The following RASSF3 variants were observed in gnomAD, a reference collection of about 807,000 sequenced individuals.
RASSF3 encodes ras association domain-containing protein 3.
RASSF3 carries 19 observed loss-of-function variants against 19.9 expected under a neutral mutation model. That is an observed-to-expected ratio of 0.96 (90% confidence interval 0.67 to 1.40). The LOEUF (loss-of-function observed/expected upper bound fraction) is 1.40. Among genes scored for constraint, RASSF3 ranks in the 40% most tolerant of loss-of-function variants. The probability of loss-of-function intolerance (pLI) is 0.00; values close to 1 mark genes in which losing one functional copy is unlikely to be tolerated. For synonymous variants in RASSF3, 110 were observed against 104.2 expected (o/e 1.06, Z -0.34); for missense variants, 306 against 289.8 (o/e 1.06, Z -0.41).
At position 64,519,952 on chromosome 12, in the gene RASSF3, CT is replaced by C. The variant is rs568023506; in HGVS notation, c.169+12624del. On this transcript the variant is annotated intron_variant, in intron 1 of 5. Transcript: ENST00000637125. The stretch of plus-strand genomic sequence containing the variant: ...AGGTCCATAATCCCAGTCCCTCCCC[CT>C]GCCTTCTGTGTACGTGACTTTGATC... 1.1e-3 allele frequency among the ~76,000 whole-genome samples: 172 copies of C among 152,184 alleles called. 2 individuals carry two copies. Among genetic ancestry groups the C allele is most frequent in the African/African-American group, 3.9e-3 (163 of 41,528 alleles).
Position 64,660,006 on chromosome 12 carries a change from G to A in RASSF3, c.112-24781G>A, listed in dbSNP as rs1017299622. Reference sequence around the variant, plus strand: ...TGTATGTATGTGTATATGTGTGCGTGTATATATATGTGTGTGTGTGTATGT... The same window carrying A: ...TGTATGTATGTGTATATGTGTGCGTATATATATATGTGTGTGTGTGTATGT... On this transcript the variant is annotated intron_variant, in intron 1 of 4. Transcript: ENST00000542104. Among the ~76,000 whole-genome samples the A allele has an allele frequency of 9.5e-5, 12 of 125,812 alleles. 1 individual carries two copies. In the South Asian group the frequency reaches 1.6e-3, roughly 17 times the overall value. 82.5% of individuals were successfully genotyped at this position (125,812 alleles called of 152,430 possible). A position where few individuals can be genotyped will look rare whatever the true frequency, so the allele number is the denominator to read the frequency against.
chr12:64,537,688 AC>A (rs1389056514), intron 1 of RASSF3, among the ~76,000 whole-genome samples: 53 of 152,284 alleles, frequency 3.5e-4, no homozygotes, highest in African/African-American at 1.2e-3. Flanking sequence ...CAGTGTCTTT[AC>A]CTTGAGAAAG....
intron 1 of RASSF3, among the ~76,000 whole-genome samples, chr12:64,682,268 AG>A (rs1873154487): frequency 6.6e-6 from 1 of 152,124 alleles, no homozygotes; most frequent in South Asian, 2.1e-4. Flanking sequence ...GACATTGAAA[AG>A]TCACGGAGAT....
chr12:64,555,247 A>G (rs968817198), intron 2 of RASSF3, among the ~76,000 whole-genome samples: 1 of 151,950 alleles, frequency 6.6e-6, no homozygotes, highest in Non-Finnish European at 1.5e-5. Context: ...GTCAAAAAAA[A>G]AAAAATTTGA....
At chr12:64,543,796 T>G (rs1269578016), downstream of RASSF3, among the ~76,000 whole-genome samples, 3 of 151,750 alleles carry the variant, frequency 2.0e-5, no homozygotes, top group African/African-American at 7.3e-5. Flanking sequence ...AGTATCTAGC[T>G]CAAGGTTTGT....
intron 1 of RASSF3, among the ~76,000 whole-genome samples, chr12:64,641,429 T>A (rs533952216): frequency 4.9e-5 from 3 of 60,822 alleles, no homozygotes; most frequent in African/African-American, 2.2e-4. Flanking sequence ...CGCGCGCGCG[T>A]TGAAAACAAA....
chr12:64,523,031 C>T (rs565815197), intron 1 of RASSF3, among the ~76,000 whole-genome samples: 3 of 152,292 alleles, frequency 2.0e-5, no homozygotes, highest in Non-Finnish European at 2.9e-5. Context: ...CTCATGCCAG[C>T]GCAAAAGAAG....
In RASSF3 at chr12:64,676,621, G is replaced by A. The variant is rs148977918; in HGVS notation, c.112-8166G>A. Among the ~76,000 whole-genome samples, 565 of 148,928 alleles carry A rather than the reference G, an allele frequency of 3.8e-3. 3 individuals carry two copies. The highest frequency in any genetic ancestry group is 0.013 in the African/African-American group (531 of 40,382). ...CAAGTAGCTAGGATTACAGGCTCAC[G>A]TCACCACACCTGGCTAATTTTGTAT... is the stretch of plus-strand genomic sequence containing the variant. On this transcript the variant is annotated intron_variant, in intron 1 of 4. Coordinates refer to ENST00000542104, the MANE Select transcript of RASSF3 (RefSeq NM_178169.4).
intron 1 of RASSF3, among the ~76,000 whole-genome samples, chr12:64,636,507 A>ATATTGCTG (rs1468962385): frequency 6.6e-6 from 1 of 152,126 alleles, no homozygotes; most frequent in African/African-American, 2.4e-5. Context: ...AAGTGGTTGT[A>ATATTGCTG]TATTGCTGCA....
chr12:64,557,815 C>T (rs1869278752), intron 2 of RASSF3, among the ~76,000 whole-genome samples: 2 of 152,162 alleles, frequency 1.3e-5, no homozygotes, highest in Non-Finnish European at 2.9e-5. Context: ...CCAGCTGCTT[C>T]TGGATGGTAT....
chr12:64,516,998 C>CA (rs371430838), intron 1 of RASSF3, among the ~76,000 whole-genome samples: 9,945 of 51,262 alleles, frequency 0.19, 764 homozygotes, highest in African/African-American at 0.28. Context: ...AAATCTGTCT[C>CA]AAAAAAAAAA....
At chr12:64,569,048 G>A (rs1376078866) in intron 2 of RASSF3, among the ~76,000 whole-genome samples, 4 of 152,140 alleles carry the variant, frequency 2.6e-5, no homozygotes, top group Admixed American at 1.3e-4. Context: ...CACTGAAGTA[G>A]CCAGGTCAAC....
chr12:64,690,656 T>G (rs1037889760), intron 3 of RASSF3, among the ~76,000 whole-genome samples: 1 of 146,460 alleles, frequency 6.8e-6, no homozygotes, highest in Admixed American at 6.8e-5. Flanking sequence ...GAAAAAAAAA[T>G]TTTTTTTTTT....
In RASSF3 at chr12:64,697,093, G is replaced by C. The variant is rs1352724203; in HGVS notation, c.*2181G>C. 1 of 141,312 alleles carries C rather than the reference G, an allele frequency of 7.1e-6. No individual in the cohort carries two copies. The allele number at this position is 141,312 out of a possible 1,614,324, so 8.8% of individuals were successfully genotyped here. On this transcript the variant is annotated 3_prime_UTR_variant, in exon 5 of 5. Transcript: ENST00000542104. Reference sequence around the variant, plus strand: ...TTTTTTTTTTTTTTTACTTGAAGTAGATTGTCTGAATAGGCATCCTCATCT... The same window carrying C: ...TTTTTTTTTTTTTTTACTTGAAGTACATTGTCTGAATAGGCATCCTCATCT...
At chr12:64,602,064 C>T (rs1337100048) in intron 2 of RASSF3, among the ~76,000 whole-genome samples, 1 of 150,040 alleles carries the variant, frequency 6.7e-6, no homozygotes, top group African/African-American at 2.5e-5. Context: ...TTGCAGTGAG[C>T]TGAGATCATG....
intron 1 of RASSF3, among the ~76,000 whole-genome samples, chr12:64,624,288 T>A (rs1442024875): frequency 6.6e-6 from 1 of 151,962 alleles, no homozygotes; most frequent in Admixed American, 6.5e-5. Context: ...TAAAACTCAG[T>A]AATGAAAAAG....
intron 2 of RASSF3, among the ~76,000 whole-genome samples, chr12:64,596,414 T>G (rs1008838980): frequency 6.6e-6 from 1 of 152,164 alleles, no homozygotes; most frequent in Non-Finnish European, 1.5e-5. Flanking sequence ...ATTGCAAAAT[T>G]TGTGAAGAAA....
intron 2 of RASSF3, among the ~76,000 whole-genome samples, chr12:64,570,363 G>A (rs575262786): frequency 3.9e-5 from 6 of 152,148 alleles, no homozygotes; most frequent in African/African-American, 7.2e-5. Context: ...AGATGTTTTC[G>A]CTTGGCCTTC....
At chr12:64,508,235 C>T (rs1471764674) in intron 1 of RASSF3, among the ~76,000 whole-genome samples, 3 of 152,156 alleles carry the variant, frequency 2.0e-5, no homozygotes, top group Non-Finnish European at 4.4e-5. Context: ...CAAGTGACGA[C>T]TGGGCACCGT....
Sources: allele counts gnomAD v4.1 joint callset (sites outside exome capture counted in the v4.1 genomes callset), GRCh38; gene constraint gnomAD v4.1.1; transcripts MANE v1.5; gene names NCBI Gene and HGNC (gene_info 2026-07-23, HGNC 2026-07-21).